AGBL4: variants seen among roughly 807,000 people sequenced by gnomAD.
The protein encoded by AGBL4 is AGBL carboxypeptidase 4.
In AGBL4, 58 loss-of-function variants were observed where a neutral mutation model predicts 66.4. That is an observed-to-expected ratio of 0.87 (90% CI 0.71 to 1.09). The LOEUF (loss-of-function observed/expected upper bound fraction) is 1.09. Among genes scored for constraint, AGBL4 ranks in the 50% least tolerant of loss-of-function variants. The probability of loss-of-function intolerance (pLI) is 0.00; values close to 1 mark genes in which losing one functional copy is unlikely to be tolerated. For synonymous variants in AGBL4, 234 were observed against 222.9 expected, an observed-to-expected ratio of 1.05 and a Z score of -0.44; for missense variants, 579 against 631.0, an observed-to-expected ratio of 0.92 and a Z score of 0.88.
intron 3 of AGBL4, among the ~76,000 whole-genome samples, chr1:49,465,458 C>T (rs1023526599): frequency 1.1e-4 from 16 of 151,758 alleles, no homozygotes; most frequent in Admixed American, 5.9e-4. Context: ...AGATAAGGAG[C>T]TTTAAAGTGA....
At chr1:49,330,586 T>G (rs191881556) in intron 3 of AGBL4, among the ~76,000 whole-genome samples, 2 of 152,300 alleles carry the variant, frequency 1.3e-5, no homozygotes, top group African/African-American at 4.8e-5. Context: ...GTTAATTAAT[T>G]AATCCTAATG....
At chr1:48,644,462 C>G (rs186706947) in intron 8 of AGBL4, among the ~76,000 whole-genome samples, 2 of 152,098 alleles carry the variant, frequency 1.3e-5, no homozygotes, top group Non-Finnish European at 2.9e-5. Flanking sequence ...AAGGGCAGCG[C>G]GGGGGCCAAG....
At chr1:49,850,165 A>C (rs1049542484) in intron 2 of AGBL4, among the ~76,000 whole-genome samples, 2 of 152,206 alleles carry the variant, frequency 1.3e-5, no homozygotes, top group Admixed American at 1.3e-4. Context: ...AAGGTCATTA[A>C]AGTAGTTCCC....
Position 48,986,300 on chromosome 1 carries a change from C to A in AGBL4, c.594+59284G>T, listed in dbSNP as rs1039521408. Among the ~76,000 whole-genome samples the A allele has an allele frequency of 2.6e-5, 4 of 151,934 alleles. No homozygotes were observed. The East Asian group carries it at 7.7e-4, about 29-fold the overall frequency. ...CACGTTTGATGAAAACTAAAACTGGCTGATTAAAGAAACTCAATGAATCCC... is the reference window on the plus strand; with the variant it reads ...CACGTTTGATGAAAACTAAAACTGGATGATTAAAGAAACTCAATGAATCCC... On this transcript the variant is annotated intron_variant, in intron 5 of 13. Transcript: ENST00000371839.
intron 1 of AGBL4, among the ~76,000 whole-genome samples, chr1:49,877,370 G>A (rs1415685342): frequency 1.3e-5 from 2 of 151,954 alleles, no homozygotes; most frequent in African/African-American, 2.4e-5. Flanking sequence ...TAGCTTGAAG[G>A]GTTGTTGAAT....
At chr1:48,869,208 A>G (rs1371143109) in intron 5 of AGBL4, among the ~76,000 whole-genome samples, 2 of 151,966 alleles carry the variant, frequency 1.3e-5, no homozygotes, top group Admixed American at 6.5e-5. Context: ...TCAAGCAAAC[A>G]ATGCAACTCT....
intron 1 of AGBL4, chr1:49,994,565 T>G (rs1557647153): frequency 6.6e-6 from 1 of 152,300 alleles, no homozygotes; most frequent in Non-Finnish European, 1.5e-5. Flanking sequence ...GATGACCCAG[T>G]CAGACTCTTG....
intron 13 of AGBL4, 77 bp from the exon 14 acceptor site, chr1:48,534,370 T>C: frequency 1.4e-6 from 2 of 1,474,810 alleles, no homozygotes; most frequent in South Asian, 2.8e-5. Flanking sequence ...TGTGCATGTC[T>C]ATCTTCCCCA....
intron 4 of AGBL4, among the ~76,000 whole-genome samples, chr1:49,176,064 T>A (rs889505383): frequency 1.3e-5 from 2 of 152,144 alleles, no homozygotes; most frequent in Non-Finnish European, 2.9e-5. Context: ...AACGATAGAC[T>A]TGTTTTTCCA....
chr1:49,969,385 G>GTT (rs1220334070), intron 1 of AGBL4, among the ~76,000 whole-genome samples: 2 of 152,022 alleles, frequency 1.3e-5, no homozygotes, highest in African/African-American at 2.4e-5. Flanking sequence ...GTGTGTGTGT[G>GTT]TATGTGTATG....
intron 1 of AGBL4, among the ~76,000 whole-genome samples, chr1:49,986,376 C>A (rs2148395109): frequency 6.6e-6 from 1 of 152,190 alleles, no homozygotes; most frequent in East Asian, 1.9e-4. Flanking sequence ...CATTCATTCT[C>A]ATTGCTGTGA....
chr1:49,553,872 G>A (rs1017589536), intron 3 of AGBL4, among the ~76,000 whole-genome samples: 2 of 152,068 alleles, frequency 1.3e-5, no homozygotes, highest in African/African-American at 4.8e-5. Context: ...AGCATGGTGG[G>A]TCATGCCCAT....
At chr1:49,636,913 A>T (rs777809792) in intron 3 of AGBL4, among the ~76,000 whole-genome samples, 1 of 152,212 alleles carries the variant, frequency 6.6e-6, no homozygotes, top group Non-Finnish European at 1.5e-5. Flanking sequence ...GCCAAAGGAG[A>T]TTAACATTTG....
At chr1:48,696,676 T>G (rs1057308865) in intron 6 of AGBL4, among the ~76,000 whole-genome samples, 1 of 152,148 alleles carries the variant, frequency 6.6e-6, no homozygotes, top group Non-Finnish European at 1.5e-5. Flanking sequence ...GATGCAAATA[T>G]TTCCAGGAGG....
chr1:49,748,993 C>A (rs1651228175), intron 2 of AGBL4, among the ~76,000 whole-genome samples: 1 of 152,090 alleles, frequency 6.6e-6, no homozygotes, highest in African/African-American at 2.4e-5. Flanking sequence ...TTTTGCTGTG[C>A]AGAAGCTCTT....
At chr1:49,402,137 A>G (rs1645099326) in intron 3 of AGBL4, among the ~76,000 whole-genome samples, 1 of 151,850 alleles carries the variant, frequency 6.6e-6, no homozygotes, top group Non-Finnish European at 1.5e-5. Context: ...TTTTTGTTTT[A>G]TTGACTTTTT....
chr1:49,948,684 C>T, intron 1 of AGBL4, among the ~76,000 whole-genome samples: 1 of 148,164 alleles, frequency 6.7e-6, no homozygotes, highest in Admixed American at 6.8e-5. Flanking sequence ...TGAAAGAAAT[C>T]ATAGATGACA....
chr1:49,945,541 G>A (rs139606413), intron 1 of AGBL4, among the ~76,000 whole-genome samples: 132 of 152,114 alleles, frequency 8.7e-4, no homozygotes, highest in African/African-American at 3.1e-3. Context: ...TACTAAGCCA[G>A]CACTACAAGA....
intron 1 of AGBL4, among the ~76,000 whole-genome samples, chr1:49,981,359 C>A (rs1159105050): frequency 6.6e-6 from 1 of 152,098 alleles, no homozygotes; most frequent in Non-Finnish European, 1.5e-5. Flanking sequence ...CTTAGTCCTA[C>A]ATCCAAAGAT....
Sources: gnomAD v4.1 joint callset for allele counts (sites outside exome capture counted in the v4.1 genomes callset) on GRCh38, gnomAD v4.1.1 for gene constraint, MANE v1.5 for transcripts, NCBI Gene and HGNC (gene_info 2026-07-23, HGNC 2026-07-21) for gene names.